Variants in CFH observed in about 807,000 individuals in gnomAD.
CFH encodes H factor 1 (complement).
In CFH, 53 loss-of-function variants were observed where a neutral mutation model predicts 147.3. The observed-to-expected ratio is 0.36, with a 90% CI of 0.29 to 0.45. The LOEUF (loss-of-function observed/expected upper bound fraction) is 0.45, where lower values mean the gene tolerates loss of function less well. Among genes scored for constraint, CFH ranks in the 20% least tolerant of loss-of-function variants. CFH has a pLI of 1.00. For missense variants in CFH, 1,380 were observed against 1,498.0 expected, an observed-to-expected ratio of 0.92 and a Z score of 1.30; for synonymous variants, 536 against 489.4, an observed-to-expected ratio of 1.10 and a Z score of -1.26.
intron 9 of CFH, among the ~76,000 whole-genome samples, chr1:196,713,171 C>T (rs753712084): frequency 2.0e-5 from 3 of 152,120 alleles, no homozygotes; most frequent in African/African-American, 4.8e-5. Flanking sequence ...TTTGAGGAAT[C>T]ATCATTTTGG....
At chr1:196,661,688 A>G (rs1321707791) in intron 1 of CFH, among the ~76,000 whole-genome samples, 1 of 152,094 alleles carries the variant, frequency 6.6e-6, no homozygotes, top group African/African-American at 2.4e-5. Flanking sequence ...AAACATATAA[A>G]TTGGGGGTTG....
Position 196,718,715 on chromosome 1 carries a change from A to T in CFH, c.1696+2946A>T, listed in dbSNP as rs117942240. The stretch of plus-strand genomic sequence containing the variant: ...AAAATTGTGAATATATTGCTTCAGT[A>T]GTCTTTCCAATCACCAGACATGAAA... On this transcript the variant is annotated intron_variant, in intron 11 of 21. Coordinates refer to ENST00000367429, the MANE Select transcript of CFH (RefSeq NM_000186.4). Among the ~76,000 whole-genome samples, 114 of 152,232 alleles carry T rather than the reference A, an allele frequency of 7.5e-4. 1 individual carries two copies. The East Asian group carries it at 0.02, about 27-fold the overall frequency.
intron 9 of CFH, among the ~76,000 whole-genome samples, chr1:196,709,238 C>A (rs2149099963): frequency 1.3e-5 from 2 of 152,222 alleles, no homozygotes; most frequent in East Asian, 3.9e-4. Context: ...GTTTTCCAGT[C>A]CATTTTTCAA....
intron 2 of CFH, chr1:196,673,394 T>G (rs1667349248): frequency 1.9e-6 from 1 of 521,040 alleles, no homozygotes; most frequent in South Asian, 2.1e-5. Flanking sequence ...TGGAGTGCAG[T>G]GGCGCTATTT....
At chr1:196,711,284 C>T (rs755868285) in intron 9 of CFH, among the ~76,000 whole-genome samples, 8 of 151,942 alleles carry the variant, frequency 5.3e-5, no homozygotes, top group African/African-American at 1.2e-4. Flanking sequence ...AGTGGAACAC[C>T]GTCATTTTCT....
intron 9 of CFH, among the ~76,000 whole-genome samples, chr1:196,696,890 A>G (rs1424218050): frequency 1.3e-5 from 2 of 152,218 alleles, no homozygotes; most frequent in African/African-American, 2.4e-5. Flanking sequence ...ACCTGAGAAA[A>G]ACAAGAAATG....
At chr1:196,678,215 T>C (rs1215967214) in intron 5 of CFH, 3 of 158,112 alleles carry the variant, frequency 1.9e-5, no homozygotes, top group African/African-American at 7.2e-5. Context: ...ACTATAAATG[T>C]TGCTGAATTG....
intron 6 of CFH, among the ~76,000 whole-genome samples, chr1:196,684,548 C>G (rs533716773): frequency 3.3e-5 from 5 of 151,858 alleles, no homozygotes; most frequent in African/African-American, 9.6e-5. Context: ...GGAAAGAGAA[C>G]ATAAAAATTC....
At chr1:196,676,727 A>C (rs1416017100) in intron 4 of CFH, among the ~76,000 whole-genome samples, 2 of 152,150 alleles carry the variant, frequency 1.3e-5, no homozygotes, top group Non-Finnish European at 2.9e-5. Context: ...CGTGATAATC[A>C]TTCAAAAACT....
intron 11 of CFH, among the ~76,000 whole-genome samples, chr1:196,723,625 G>A (rs562617988): frequency 6.6e-6 from 1 of 152,042 alleles, no homozygotes; most frequent in Non-Finnish European, 1.5e-5. Flanking sequence ...TTGCCCCAAG[G>A]AATGGACTGA....
chr1:196,723,842 C>T (rs1669061119), intron 11 of CFH, among the ~76,000 whole-genome samples: 1 of 151,970 alleles, frequency 6.6e-6, no homozygotes, highest in Non-Finnish European at 1.5e-5. Context: ...TGTAGCCACC[C>T]CCTAATACCC....
chr1:196,689,351 T>C lies in CFH; in HGVS notation c.965-69T>C. ...AGAGAATATAATTCAGTGATAAAAA[T>C]TTATCTCTAATATGAGTGTTTATTA... On this transcript the variant is annotated intron_variant, in intron 7 of 21. Coordinates refer to ENST00000367429, the MANE Select transcript of CFH (RefSeq NM_000186.4). 2.2e-6 allele frequency: 3 copies of C among 1,389,612 alleles called. No homozygotes were observed. In the South Asian group the frequency reaches 3.8e-5, roughly 17 times the overall value. The allele number at this position is 1,389,612 out of a possible 1,614,324, so 86.1% of individuals were successfully genotyped here.
At chr1:196,704,223 T>C (rs1668531432) in intron 9 of CFH, among the ~76,000 whole-genome samples, 1 of 151,898 alleles carries the variant, frequency 6.6e-6, no homozygotes, top group Admixed American at 6.6e-5. Context: ...GCCTCCCGAG[T>C]AGCTGGGATT....
chr1:196,673,007 A>T lies in CFH; in HGVS notation c.88A>T (p.Thr30Ser). The T allele has an allele frequency of 6.2e-7, 1 of 1,614,028 alleles. No homozygotes were observed. Among genetic ancestry groups the T allele is most frequent in the Non-Finnish European group, 8.5e-7 (1 of 1,179,974 alleles). The change falls in exon 2 of 22, where the codon ACA becomes TCA. Residue 30 changes from threonine (T) to serine (S), a missense_variant. This residue lies in a region of CFH where 260 missense variants were observed against 263.3 expected (regional missense o/e 0.99). Coordinates refer to ENST00000367429, the MANE Select transcript of CFH (RefSeq NM_000186.4). ...CAATGAACTTCCTCCAAGAAGAAAT[A>T]CAGAAATTCTGACAGGTTCCTGGTC... is the stretch of plus-strand genomic sequence containing the variant. ...DCNELPPRRN[T>S]EILTGSWSDQ...
intron 6 of CFH, among the ~76,000 whole-genome samples, chr1:196,680,509 T>C (rs530968536): frequency 1.3e-5 from 2 of 151,982 alleles, no homozygotes; most frequent in East Asian, 1.9e-4. Flanking sequence ...TTGTGGACTT[T>C]TAAGAAATTA....
intron 9 of CFH, among the ~76,000 whole-genome samples, chr1:196,706,983 C>T (rs1668605662): frequency 6.6e-6 from 1 of 152,070 alleles, no homozygotes; most frequent in Non-Finnish European, 1.5e-5. Flanking sequence ...CTAATGAGAG[C>T]CTTGGTAGAG....
At chr1:196,744,143 A>C (rs1005800581) in intron 20 of CFH, among the ~76,000 whole-genome samples, 3 of 151,902 alleles carry the variant, frequency 2.0e-5, no homozygotes, top group African/African-American at 7.3e-5. Context: ...TATCTTACTC[A>C]CCTTTATGTT....
intron 15 of CFH, 101 bp from the exon 16 acceptor site, chr1:196,736,723 A>G (rs1669411926): frequency 2.0e-6 from 1 of 489,898 alleles, no homozygotes; most frequent in African/African-American, 2.1e-5. Context: ...TATTTATTCT[A>G]TTTTAATCAT....
In CFH at chr1:196,726,894, A is replaced by T; in HGVS notation, c.2190A>T (p.Ser730=). The T allele has an allele frequency of 6.2e-7, 1 of 1,613,794 alleles. No homozygotes were observed. The highest frequency in any genetic ancestry group is 1.1e-5 in the South Asian group (1 of 91,082). Reference sequence around the variant, plus strand: ...CATTTACAATGATTGGACACAGATCAATTACGTGTATTCATGGAGTATGGA... The same window carrying T: ...CATTTACAATGATTGGACACAGATCTATTACGTGTATTCATGGAGTATGGA... ...SESFTMIGHR[S]ITCIHGVWTQ... Residue 730 remains serine, a synonymous_variant, in exon 14 of 22, where the codon TCA becomes TCT. Transcript: ENST00000367429.
Sources: allele counts gnomAD v4.1 joint callset (sites outside exome capture counted in the v4.1 genomes callset), GRCh38; gene constraint gnomAD v4.1.1; regional missense constraint gnomAD v4.1.1; transcripts MANE v1.5; gene names NCBI Gene and HGNC (gene_info 2026-07-23, HGNC 2026-07-21).